TTC6: variants seen among roughly 807,000 people sequenced by gnomAD.
TTC6 encodes the protein tetratricopeptide repeat protein 6.
In TTC6, 172 loss-of-function variants were observed where a neutral mutation model predicts 210.4. The observed-to-expected ratio is 0.82, with a 90% CI of 0.72 to 0.93. The LOEUF is 0.93. TTC6 is among the 40% of genes least tolerant of loss of function. The pLI is 0.00. For missense variants in TTC6, 2,414 were observed against 2,318.1 expected (o/e 1.04, Z -0.85); for synonymous variants, 804 against 819.6 (o/e 0.98, Z 0.32).
At chr14:37,772,171 C>T (rs1344476845) in intron 14 of TTC6, among the ~76,000 whole-genome samples, 1 of 152,158 alleles carries the variant, frequency 6.6e-6, no homozygotes, top group Non-Finnish European at 1.5e-5. Context: ...TCTCAGATCT[C>T]CAGCTGCGTG....
intron 24 of TTC6, 83 bp from the exon 27 acceptor site, chr14:37,812,231 G>A: frequency 1.4e-6 from 2 of 1,412,578 alleles, no homozygotes; most frequent in Middle Eastern, 1.9e-4. Flanking sequence ...TTGGGTCCTA[G>A]TTTGGACATA....
intron 1 of TTC6, among the ~76,000 whole-genome samples, chr14:37,663,553 C>G (rs2095741722): frequency 6.6e-6 from 1 of 151,856 alleles, no homozygotes; most frequent in South Asian, 2.1e-4. Flanking sequence ...AGTGTTCATC[C>G]CCAATTATCC....
intron 5 of TTC6, among the ~76,000 whole-genome samples, chr14:37,703,351 TA>T (rs1202011954): frequency 6.6e-6 from 1 of 152,132 alleles, no homozygotes. Flanking sequence ...AATTTGTTCC[TA>T]AGTACCAAAT....
intron 5 of TTC6, 95 bp downstream of exon 7, chr14:37,701,621 T>C: frequency 8.5e-7 from 1 of 1,174,522 alleles, no homozygotes; most frequent in Non-Finnish European, 1.1e-6. Context: ...CTTGATTCTG[T>C]TCTTGGACAC....
At chr14:37,713,895 A>G (rs1474569829) in intron 5 of TTC6, among the ~76,000 whole-genome samples, 1 of 152,208 alleles carries the variant, frequency 6.6e-6, no homozygotes, top group East Asian at 1.9e-4. Flanking sequence ...TCAATAAGTT[A>G]GAGGGAACAG....
At chr14:37,832,799 C>G (rs1240467877) in intron 29 of TTC6, among the ~76,000 whole-genome samples, 3 of 151,974 alleles carry the variant, frequency 2.0e-5, no homozygotes, top group African/African-American at 7.3e-5. Flanking sequence ...GTGGCTTATG[C>G]CTATAATCCC....
rs1452417188 is a variant in TTC6, at chr14:37,807,461, G to T, written c.4455+1G>T. ...AGGAGTTCTGAAATACTACAACAAG[G>T]TAGGGCCATTTCCTGCCTGGTTTAC... On this transcript the variant is annotated splice_donor_variant, in intron 23 of 30. Transcript: ENST00000553443. LOFTEE classifies it high-confidence loss of function. The T allele has an allele frequency of 6.7e-7, 1 of 1,482,872 alleles. No individual in the cohort carries two copies. The highest frequency in any genetic ancestry group is 1.7e-4 in the Middle Eastern group (1 of 5,750). The allele number at this position is 1,482,872 out of a possible 1,614,324, so 91.9% of individuals were successfully genotyped here.
At position 37,651,413 on chromosome 14, in the gene TTC6, ATATATATATATATTTTTTTTTTTTT is replaced by A. The variant is rs1193710295; in HGVS notation, c.939+28412_939+28436del. ...TATATATATATATATATATATATAT[ATATATATATATATTTTTTTTTTTTT>A]TTTTTTTTTTTTTTTCCATCCATGA... On this transcript the variant is annotated intron_variant, in intron 1 of 30. Transcript: ENST00000553443. Among the ~76,000 whole-genome samples, 114 of 22,920 alleles carry A rather than the reference ATATATATATATATTTTTTTTTTTTT, an allele frequency of 5.0e-3. 3 individuals carry two copies. The highest frequency in any genetic ancestry group is 0.036 in the South Asian group (14 of 394). 15.0% of individuals were successfully genotyped at this position (22,920 alleles called of 152,430 possible). A position where few individuals can be genotyped will look rare whatever the true frequency, so the allele number is the denominator to read the frequency against.
chr14:37,809,685 G>A (rs1199604324), intron 24 of TTC6, among the ~76,000 whole-genome samples: 2 of 152,092 alleles, frequency 1.3e-5, no homozygotes, highest in Non-Finnish European at 2.9e-5. Flanking sequence ...ACCAGGTTTG[G>A]CCTATATTTT....
At chr14:37,656,249 C>T (rs2095722652) in intron 1 of TTC6, among the ~76,000 whole-genome samples, 1 of 152,100 alleles carries the variant, frequency 6.6e-6, no homozygotes, top group African/African-American at 2.4e-5. Flanking sequence ...CAAAAGGCAT[C>T]CCAAAAACTA....
In TTC6 at chr14:37,680,061, A is replaced by C; in HGVS notation, c.940-90A>C. The C allele has an allele frequency of 1.3e-5, 9 of 698,120 alleles. No homozygotes were observed. In the South Asian group the frequency reaches 1.7e-4, roughly 13 times the overall value. The allele number at this position is 698,120 out of a possible 1,614,324, so 43.2% of individuals were successfully genotyped here. ...TATATGTCTCTATTTTTCATTTACT[A>C]CACAAATTGACTAGCATTTTAGTAT... On this transcript the variant is annotated intron_variant, in intron 1 of 30. Coordinates refer to ENST00000553443, the Ensembl canonical transcript of TTC6.
rs1422272243 is a variant in TTC6, at chr14:37,623,019, C to G, written c.939+16C>G. 23 of 1,440,194 alleles carry G rather than the reference C, an allele frequency of 1.6e-5. No individual in the cohort carries two copies. Among genetic ancestry groups the G allele is most frequent in the Non-Finnish European group, 2.1e-5 (23 of 1,097,538 alleles). 89.2% of individuals were successfully genotyped at this position (1,440,194 alleles called of 1,614,324 possible). On this transcript the variant is annotated intron_variant, in intron 1 of 30. Transcript: ENST00000553443. ...TACAATGGAAGTAGGTGAACCAAAACAAGAGTAACATTTTTCCCAAATGCA... is the reference window on the plus strand; with the variant it reads ...TACAATGGAAGTAGGTGAACCAAAAGAAGAGTAACATTTTTCCCAAATGCA...
At chr14:37,757,405 T>A (rs2139076526) in intron 14 of TTC6, among the ~76,000 whole-genome samples, 1 of 152,058 alleles carries the variant, frequency 6.6e-6, no homozygotes, top group African/African-American at 2.4e-5. Flanking sequence ...GGACTACAGG[T>A]GTCTGCCACC....
intron 1 of TTC6, among the ~76,000 whole-genome samples, chr14:37,643,151 T>C (rs1164418305): frequency 2.0e-5 from 3 of 151,764 alleles, no homozygotes; most frequent in African/African-American, 7.3e-5. Context: ...TTACTAAAAA[T>C]ACAAAAACTA....
At chr14:37,596,158 G>C (rs2095603954) in intron 1 of TTC6, 150 bp downstream of exon 1, 1 of 152,308 alleles carries the variant, frequency 6.6e-6, no homozygotes, top group Admixed American at 6.5e-5. Context: ...GCGGACCCAA[G>C]TCGGGCCGTC....
chr14:37,776,005 G>A (rs2096036307), intron 14 of TTC6, among the ~76,000 whole-genome samples: 1 of 151,520 alleles, frequency 6.6e-6, no homozygotes, highest in Non-Finnish European at 1.5e-5. Flanking sequence ...TTGAGCCGAT[G>A]GGTGTCATTG....
chr14:37,695,961 G>C (rs535038647), intron 3 of TTC6, among the ~76,000 whole-genome samples: 47 of 152,246 alleles, frequency 3.1e-4, no homozygotes, highest in Middle Eastern at 6.8e-3. Context: ...AGTAGCAAAT[G>C]TGAAAAACTT....
At chr14:37,687,505 C>A (rs2095796215) in intron 3 of TTC6, among the ~76,000 whole-genome samples, 1 of 152,112 alleles carries the variant, frequency 6.6e-6, no homozygotes, top group Admixed American at 6.5e-5. Flanking sequence ...GCCAGGGCAG[C>A]TAAGGAGTGC....
chr14:37,734,282 G>C (rs2095895578), intron 7 of TTC6, among the ~76,000 whole-genome samples: 1 of 152,156 alleles, frequency 6.6e-6, no homozygotes, highest in African/African-American at 2.4e-5. Context: ...TACCCCTGTG[G>C]TATTCCAGTT....
Sources: gnomAD v4.1 joint callset for allele counts (sites outside exome capture counted in the v4.1 genomes callset) on GRCh38, gnomAD v4.1.1 for gene constraint, MANE v1.5 for transcripts, NCBI Gene and HGNC (gene_info 2026-07-23, HGNC 2026-07-21) for gene names.